The following VKORC1L1 variants were observed in gnomAD, a reference collection of about 807,000 sequenced individuals.
VKORC1L1 encodes vitamin K epoxide reductase complex subunit 1L1, also known as vitamin K epoxide reductase complex subunit 1-like protein 1.
Under a neutral mutation model 18.9 loss-of-function variants are expected in VKORC1L1, and 2 were observed. The ratio of observed to expected loss-of-function variants is 0.11; its 90% CI spans 0.04 to 0.33. The LOEUF is 0.33. Ranked by LOEUF, VKORC1L1 falls within the 10% of genes least tolerant of loss-of-function variation. The pLI, the probability that VKORC1L1 is intolerant of heterozygous loss-of-function variation, is 1.00. For synonymous variants in VKORC1L1, 96 were observed against 100.0 expected (o/e 0.96, Z 0.24); for missense variants, 123 against 224.1 (o/e 0.55, Z 2.88).
chr7:65,949,374 G>T (rs1471825440), intron 2 of VKORC1L1, among the ~76,000 whole-genome samples: 1 of 152,056 alleles, frequency 6.6e-6, no homozygotes, highest in Non-Finnish European at 1.5e-5. Flanking sequence ...AGCTACTCAT[G>T]AGGCTGAGGC....
intron 1 of VKORC1L1, among the ~76,000 whole-genome samples, chr7:65,908,486 A>G (rs1789443957): frequency 6.6e-6 from 1 of 152,066 alleles, no homozygotes; most frequent in African/African-American, 2.4e-5. Flanking sequence ...TCAAAATGCA[A>G]GTAACTACTT....
intron 1 of VKORC1L1, among the ~76,000 whole-genome samples, chr7:65,942,372 G>T (rs535777736): frequency 2.7e-5 from 4 of 150,674 alleles, no homozygotes. Context: ...GGCACCTATA[G>T]TCCCAGCTAC....
intron 1 of VKORC1L1, among the ~76,000 whole-genome samples, chr7:65,878,145 G>C (rs1788861645): frequency 6.6e-6 from 1 of 152,038 alleles, no homozygotes; most frequent in Middle Eastern, 3.2e-3. Flanking sequence ...AAAACTTTTA[G>C]AATTAGAATA....
chr7:65,879,171 G>A (rs1476777691), intron 1 of VKORC1L1, among the ~76,000 whole-genome samples: 2 of 152,004 alleles, frequency 1.3e-5, no homozygotes, highest in Non-Finnish European at 2.9e-5. Flanking sequence ...CTTGGCATTC[G>A]TTCCATTGCT....
chr7:65,919,159 C>T (rs938033183), intron 1 of VKORC1L1, among the ~76,000 whole-genome samples: 11 of 152,120 alleles, frequency 7.2e-5, no homozygotes, highest in Admixed American at 7.2e-4. Context: ...CCAAGAGAAG[C>T]TCAGGTCCCC....
chr7:65,923,956 G>A (rs1199047842), intron 1 of VKORC1L1, among the ~76,000 whole-genome samples: 1 of 152,146 alleles, frequency 6.6e-6, no homozygotes, highest in Admixed American at 6.5e-5. Context: ...GGGATGCTTC[G>A]AAGCTAATGG....
intron 1 of VKORC1L1, among the ~76,000 whole-genome samples, chr7:65,888,879 TG>T (rs1789059429): frequency 6.6e-6 from 1 of 152,146 alleles, no homozygotes; most frequent in Non-Finnish European, 1.5e-5. Flanking sequence ...TCAGAAGTAT[TG>T]GTTTTCTGTT....
intron 1 of VKORC1L1, among the ~76,000 whole-genome samples, chr7:65,943,609 T>C (rs1355061768): frequency 6.6e-6 from 1 of 151,830 alleles, no homozygotes; most frequent in African/African-American, 2.4e-5. Flanking sequence ...GCCTGGCCAA[T>C]GTGGTGAAAC....
the VKORC1L1 span, among the ~76,000 whole-genome samples, chr7:65,865,837 C>T: frequency 1.3e-5 from 2 of 151,662 alleles, no homozygotes; most frequent in African/African-American, 4.9e-5. Context: ...ATAATTTATT[C>T]CTGGCCTGCC....
chr7:65,941,144 C>T (rs1242763767), intron 1 of VKORC1L1, among the ~76,000 whole-genome samples: 1 of 152,198 alleles, frequency 6.6e-6, no homozygotes, highest in African/African-American at 2.4e-5. Context: ...CAGGCTCTCA[C>T]TCTGTCACCC....
chr7:65,934,368 A>C (rs191025860), intron 1 of VKORC1L1, among the ~76,000 whole-genome samples: 13 of 152,312 alleles, frequency 8.5e-5, no homozygotes, highest in Middle Eastern at 3.4e-3. Context: ...CACCTCAAAT[A>C]CTTATTTTTT....
rs1204163782 is a variant in VKORC1L1, at chr7:65,954,060, C to G, written c.305-14C>G. ...CACCAAGGCCTGACTGAGCCTGCGT[C>G]TCTTCTCTTACAGGCATGACAGCAA... On this transcript the variant is annotated splice_polypyrimidine_tract_variant and intron_variant, in intron 2 of 2. Coordinates refer to ENST00000360768, the MANE Select transcript of VKORC1L1 (RefSeq NM_173517.6). 1.3e-6 allele frequency: 2 copies of G among 1,582,732 alleles called. No individual in the cohort carries two copies. The highest frequency in any genetic ancestry group is 2.3e-5 in the South Asian group (2 of 87,892).
At chr7:65,885,012 T>A (rs1788989349) in intron 1 of VKORC1L1, among the ~76,000 whole-genome samples, 1 of 152,236 alleles carries the variant, frequency 6.6e-6, no homozygotes. Flanking sequence ...ATGATTTTTC[T>A]TGGTAATTTT....
At chr7:65,880,474 G>A (rs149708416) in intron 1 of VKORC1L1, among the ~76,000 whole-genome samples, 2,790 of 152,176 alleles carry the variant, frequency 0.018, 54 homozygotes, top group East Asian at 0.087. Flanking sequence ...GGTTAGCCTA[G>A]GGAGGAAGGA....
intron 1 of VKORC1L1, among the ~76,000 whole-genome samples, chr7:65,905,865 C>T (rs1413843207): frequency 6.6e-6 from 1 of 152,160 alleles, no homozygotes; most frequent in Non-Finnish European, 1.5e-5. Flanking sequence ...CCAATCCTCA[C>T]CGTGCTTGTA....
At chr7:65,937,981 G>A (rs1034575703) in intron 1 of VKORC1L1, among the ~76,000 whole-genome samples, 2 of 152,174 alleles carry the variant, frequency 1.3e-5, no homozygotes, top group Admixed American at 6.5e-5. Flanking sequence ...GCTGAGGTGA[G>A]TGGACCATTT....
At chr7:65,871,295 A>G (rs1252438278), upstream of VKORC1L1, among the ~76,000 whole-genome samples, 2 of 152,074 alleles carry the variant, frequency 1.3e-5, no homozygotes, top group Admixed American at 1.3e-4. Context: ...TCCCAGGTTC[A>G]AGTGATTCTC....
intron 1 of VKORC1L1, among the ~76,000 whole-genome samples, chr7:65,918,337 G>A (rs1284755611): frequency 6.6e-6 from 1 of 152,222 alleles, no homozygotes; most frequent in Non-Finnish European, 1.5e-5. Flanking sequence ...AAAGGACACA[G>A]AGATATGTAG....
At chr7:65,929,191 C>CT in intron 1 of VKORC1L1, among the ~76,000 whole-genome samples, 1 of 152,190 alleles carries the variant, frequency 6.6e-6, no homozygotes, top group Middle Eastern at 3.4e-3. Flanking sequence ...GACGCATCAC[C>CT]TGAGGTCAGG....
Sources: gnomAD v4.1 joint callset for allele counts (sites outside exome capture counted in the v4.1 genomes callset) on GRCh38, gnomAD v4.1.1 for gene constraint, MANE v1.5 for transcripts, NCBI Gene and HGNC (gene_info 2026-07-23, HGNC 2026-07-21) for gene names.